RBPJ: variants seen among roughly 807,000 people sequenced by gnomAD.
RBPJ encodes recombining binding protein suppressor of hairless.
RBPJ carries 9 observed loss-of-function variants against 67.8 expected under a neutral mutation model. The ratio of observed to expected loss-of-function variants is 0.13; its 90% CI spans 0.08 to 0.23. RBPJ has a LOEUF of 0.23. Among genes scored for constraint, RBPJ ranks in the 10% least tolerant of loss-of-function variants. The probability of loss-of-function intolerance (pLI) is 1.00; values close to 1 mark genes in which losing one functional copy is unlikely to be tolerated. For synonymous variants in RBPJ, 198 were observed against 203.3 expected (o/e 0.97, Z 0.22); for missense variants, 305 against 595.6 (o/e 0.51, Z 5.08).
chr4:26,413,003 T>C (rs556633656), intron 3 of RBPJ: 36 of 152,366 alleles, frequency 2.4e-4, no homozygotes, highest in African/African-American at 8.7e-4. Flanking sequence ...TATACAGGCA[T>C]GAAAACTGCT....
intron 1 of RBPJ, among the ~76,000 whole-genome samples, chr4:26,335,519 C>G (rs148110618): frequency 6.1e-4 from 93 of 151,630 alleles, no homozygotes; most frequent in Admixed American, 1.3e-3. Context: ...GCGTTCTCTT[C>G]TTTTTGCTCG....
At chr4:26,319,307 C>A (rs1722788443), upstream of RBPJ, among the ~76,000 whole-genome samples, 1 of 152,204 alleles carries the variant, frequency 6.6e-6, no homozygotes, top group Non-Finnish European at 1.5e-5. Flanking sequence ...TCCTGGCTTC[C>A]CCTTCCTCCG....
chr4:26,196,292 C>T (rs933379112), intron 1 of RBPJ, among the ~76,000 whole-genome samples: 1 of 152,050 alleles, frequency 6.6e-6, no homozygotes, highest in African/African-American at 2.4e-5. Context: ...CATGAATGAA[C>T]CTTGAAAAAC....
rs67501530 is a variant in RBPJ, at chr4:26,282,924, C to CTTTTT, written c.-166-79502_-166-79498dup. Among the ~76,000 whole-genome samples the CTTTTT allele has an allele frequency of 2.2e-3, 138 of 61,650 alleles. 1 individual carries two copies. Among genetic ancestry groups the CTTTTT allele is most frequent in the Middle Eastern group, 0.016 (1 of 62 alleles). The allele number at this position is 61,650 out of a possible 152,430, so 40.4% of individuals were successfully genotyped here. A position where few individuals can be genotyped will look rare whatever the true frequency, so the allele number is the denominator to read the frequency against. ...TCCCTTTGTGTTTTAAGTGTAGATT[C>CTTTTT]TTTTTTTTTTTTTTTTTTTTTTTTG... is the stretch of plus-strand genomic sequence containing the variant. On this transcript the variant is annotated intron_variant, in intron 1 of 4. Coordinates refer to the RBPJ transcript ENST00000512351.
intron 1 of RBPJ, among the ~76,000 whole-genome samples, chr4:26,202,805 A>G (rs1718025408): frequency 6.6e-6 from 1 of 151,982 alleles, no homozygotes; most frequent in Non-Finnish European, 1.5e-5. Flanking sequence ...GCTATTTGGG[A>G]GCCTGAGACA....
At chr4:26,191,216 GAGAGAGAGAGAGAGAGAGAGAGAGAT>G (rs1560204169) in intron 1 of RBPJ, among the ~76,000 whole-genome samples, 41 of 56,502 alleles carry the variant, frequency 7.3e-4, no homozygotes, top group Non-Finnish European at 1.2e-3. Context: ...TATATAGAGA[GAGAGAGAGAGAGAGAGAGAGAGAGAT>G]AGAGAGAGAG....
chr4:26,139,782 A>G, the RBPJ span, among the ~76,000 whole-genome samples: 1 of 152,214 alleles, frequency 6.6e-6, no homozygotes, highest in Admixed American at 6.5e-5. Context: ...GCCTGTGCTC[A>G]GTGGTTAAGA....
chr4:26,363,956 G>A (rs1728345162), intron 1 of RBPJ, among the ~76,000 whole-genome samples: 1 of 151,912 alleles, frequency 6.6e-6, no homozygotes, highest in Non-Finnish European at 1.5e-5. Flanking sequence ...TTAATTATAT[G>A]AAATCTTGGA....
chr4:26,430,317 T>C lies in RBPJ; in HGVS notation c.1045-102T>C. 9.3e-7 allele frequency: 1 copy of C among 1,079,938 alleles called. No individual in the cohort carries two copies. 66.9% of individuals were successfully genotyped at this position (1,079,938 alleles called of 1,614,324 possible). ...GTAATAAAAAACATTTTAATTGCCC[T>C]TTTTTAAAAAAAACAAATGAAAGTT... On this transcript the variant is annotated intron_variant, in intron 9 of 10. Coordinates refer to ENST00000355476, the MANE Select transcript of RBPJ (RefSeq NM_015874.6). The surrounding 1 kb of genome is among the most constrained non-coding windows in gnomAD (Gnocchi z 4.1).
chr4:26,390,258 C>T (rs1429013467), intron 2 of RBPJ, among the ~76,000 whole-genome samples: 2 of 152,200 alleles, frequency 1.3e-5, no homozygotes, highest in Non-Finnish European at 2.9e-5. Flanking sequence ...AGAATTTCCT[C>T]ATCATAGGGT....
intron 3 of RBPJ, among the ~76,000 whole-genome samples, chr4:26,411,009 G>A (rs1733954267): frequency 6.6e-6 from 1 of 152,216 alleles, no homozygotes; most frequent in South Asian, 2.1e-4. Context: ...AATTCTGTAA[G>A]CTAACCACTT....
intron 1 of RBPJ, among the ~76,000 whole-genome samples, chr4:26,356,181 A>G (rs1727354295): frequency 6.6e-6 from 1 of 152,134 alleles, no homozygotes; most frequent in South Asian, 2.1e-4. Flanking sequence ...GAATGTGGCT[A>G]TTTTCTCACC....
the RBPJ span, among the ~76,000 whole-genome samples, chr4:26,157,547 A>G: frequency 1.3e-5 from 2 of 152,256 alleles, no homozygotes; most frequent in East Asian, 1.9e-4. Flanking sequence ...AAAATTAATT[A>G]TGCTTTAGGG....
intron 1 of RBPJ, among the ~76,000 whole-genome samples, chr4:26,219,508 C>A (rs1182529675): frequency 1.3e-5 from 2 of 152,140 alleles, no homozygotes; most frequent in Non-Finnish European, 2.9e-5. Context: ...TGCTTCTAAC[C>A]TTCATTATTT....
intron 3 of RBPJ, among the ~76,000 whole-genome samples, chr4:26,408,534 T>G (rs557778325): frequency 6.6e-6 from 1 of 152,220 alleles, no homozygotes; most frequent in African/African-American, 2.4e-5. Flanking sequence ...GGAGGAAGAA[T>G]CTAAAAGGCC....
chr4:26,156,919 A>C, the RBPJ span, among the ~76,000 whole-genome samples: 3 of 147,344 alleles, frequency 2.0e-5, no homozygotes, highest in Non-Finnish European at 4.5e-5. Flanking sequence ...AAAAAAAAAT[A>C]CATAAATTAG....
chr4:26,361,122 G>A (rs1453938545), intron 1 of RBPJ, among the ~76,000 whole-genome samples: 1 of 151,544 alleles, frequency 6.6e-6, no homozygotes, highest in Admixed American at 6.6e-5. Context: ...GGAATGGGAA[G>A]GGGCCAGAGG....
At chr4:26,341,742 G>A (rs542431448) in intron 1 of RBPJ, among the ~76,000 whole-genome samples, 30 of 152,286 alleles carry the variant, frequency 2.0e-4, no homozygotes, top group Non-Finnish European at 3.7e-4. Flanking sequence ...AACCTAAATG[G>A]AGTGGGAGAG....
upstream of RBPJ, among the ~76,000 whole-genome samples, chr4:26,315,167 A>AAAT (rs1325689348): frequency 6.8e-3 from 509 of 74,580 alleles, 9 homozygotes; most frequent in Non-Finnish European, 9.5e-3. Flanking sequence ...AAAAAAAAAA[A>AAAT]ATATATATAT....
Sources: gnomAD v4.1 joint callset for allele counts (sites outside exome capture counted in the v4.1 genomes callset) on GRCh38, gnomAD v4.1.1 for gene constraint, Gnocchi (gnomAD v3.1) non-coding constraint, MANE v1.5 for transcripts, NCBI Gene and HGNC (gene_info 2026-07-23, HGNC 2026-07-21) for gene names.